Variants in PCSK6 observed in about 807,000 individuals in gnomAD.
PCSK6 encodes the protein proprotein convertase subtilisin/kexin type 6, also known as paired basic amino acid cleaving enzyme 4.
Under a neutral mutation model 123.3 loss-of-function variants are expected in PCSK6, and 85 were observed. The ratio of observed to expected loss-of-function variants is 0.69; its 90% CI spans 0.58 to 0.83. PCSK6 has a LOEUF of 0.83. Ranked by LOEUF, PCSK6 falls within the 40% of genes least tolerant of loss-of-function variation. The pLI is 0.00. For missense variants in PCSK6, 1,191 were observed against 1,282.3 expected (o/e 0.93, Z 1.09); for synonymous variants, 508 against 516.0 (o/e 0.98, Z 0.21).
chr15:101,485,286 C>T (rs894370639), intron 1 of PCSK6, among the ~76,000 whole-genome samples: 6 of 152,098 alleles, frequency 3.9e-5, no homozygotes, highest in African/African-American at 1.4e-4. Flanking sequence ...TTCTACCTGG[C>T]GTGTATCTTT....
intron 3 of PCSK6, among the ~76,000 whole-genome samples, 164 bp downstream of exon 3, chr15:101,431,826 A>G (rs570089775): frequency 9.8e-5 from 15 of 152,320 alleles, no homozygotes; most frequent in Admixed American, 8.5e-4. Flanking sequence ...TCCACAGGAA[A>G]GCCGGTACTG....
chr15:101,388,394 T>A (rs1391335351), intron 9 of PCSK6, among the ~76,000 whole-genome samples: 2 of 152,264 alleles, frequency 1.3e-5, no homozygotes, highest in Non-Finnish European at 2.9e-5. Flanking sequence ...AGATGACTAC[T>A]GCAGAGGGCT....
At position 101,430,135 on chromosome 15, in the gene PCSK6, C is replaced by T. The variant is rs1469966115; in HGVS notation, c.658-72G>A. 7 of 1,212,166 alleles carry T rather than the reference C, an allele frequency of 5.8e-6. No homozygotes were observed. The East Asian group carries it at 1.4e-4, about 24-fold the overall frequency. 75.1% of individuals were successfully genotyped at this position (1,212,166 alleles called of 1,614,324 possible). On this transcript the variant is annotated intron_variant, in intron 4 of 21. Coordinates refer to ENST00000611716, the MANE Select transcript of PCSK6 (RefSeq NM_002570.5). ...CTCTGTTTGAAATGGATTTTATGTT[C>T]CGTTGGCAAATAGAGAAACCACACG...
At chr15:101,462,826 G>T (rs535617488) in intron 1 of PCSK6, among the ~76,000 whole-genome samples, 1 of 152,168 alleles carries the variant, frequency 6.6e-6, no homozygotes, top group Admixed American at 6.5e-5. Flanking sequence ...GAGTGGGTTG[G>T]ATATCTTCTG....
intron 2 of PCSK6, among the ~76,000 whole-genome samples, chr15:101,439,843 C>T (rs1336838794): frequency 6.6e-6 from 1 of 152,178 alleles, no homozygotes; most frequent in East Asian, 1.9e-4. Context: ...TGAAATGAAG[C>T]ATTGAACCCA....
At chr15:101,441,978 C>A (rs553235679) in intron 2 of PCSK6, among the ~76,000 whole-genome samples, 63 of 152,326 alleles carry the variant, frequency 4.1e-4, no homozygotes, top group African/African-American at 1.4e-3. Flanking sequence ...CCTCCGGGAT[C>A]AGCCTATGCA....
chr15:101,322,517 T>TA lies in PCSK6; in HGVS notation c.2465+2dup, dbSNP rs1323627358. 1 of 1,606,364 alleles carries TA rather than the reference T, an allele frequency of 6.2e-7. No individual in the cohort carries two copies. Among genetic ancestry groups the TA allele is most frequent in the Admixed American group, 1.7e-5 (1 of 59,990 alleles). On this transcript the variant is annotated splice_region_variant and intron_variant, in intron 18 of 21. Coordinates refer to ENST00000611716, the MANE Select transcript of PCSK6 (RefSeq NM_002570.5). Reference sequence around the variant, plus strand: ...CATTCCTCAGGTTTCGAGGGGGTTTTACCTGAATCCTTCTTTACAGACAGT... The same window carrying TA: ...CATTCCTCAGGTTTCGAGGGGGTTTTAACCTGAATCCTTCTTTACAGACAGT...
chr15:101,321,936 C>T (rs1375362815), intron 18 of PCSK6, among the ~76,000 whole-genome samples: 1 of 152,228 alleles, frequency 6.6e-6, no homozygotes, highest in African/African-American at 2.4e-5. Context: ...TATTTGATTG[C>T]ATTAAATGCA....
chr15:101,371,761 G>A (rs542446736), intron 11 of PCSK6, among the ~76,000 whole-genome samples: 82 of 152,324 alleles, frequency 5.4e-4, no homozygotes, highest in African/African-American at 1.8e-3. Flanking sequence ...GGAAGCTCGC[G>A]TGGACCCACA....
intron 6 of PCSK6, among the ~76,000 whole-genome samples, chr15:101,404,682 G>A (rs186562379): frequency 1.6e-4 from 25 of 152,246 alleles, no homozygotes; most frequent in East Asian, 5.8e-4. Context: ...TTTATCTACC[G>A]GGGCAGTTAA....
At chr15:101,445,661 G>A (rs377606587) in intron 1 of PCSK6, among the ~76,000 whole-genome samples, 5 of 152,170 alleles carry the variant, frequency 3.3e-5, no homozygotes, top group East Asian at 3.8e-4. Context: ...TCAACTTGCC[G>A]CAGTGTTTAA....
At position 101,432,038 on chromosome 15, in the gene PCSK6, C is replaced by T. The variant is rs377624912; in HGVS notation, c.465G>A (p.Pro155=). 54 of 1,613,540 alleles carry T rather than the reference C, an allele frequency of 3.3e-5. No individual in the cohort carries two copies. In the African/African-American group the frequency reaches 4.0e-4, roughly 12 times the overall value. ...RRVKRQVRSD[P]QALYFNDPIW... Reference sequence around the variant, plus strand: ...TGGGGTCGTTGAAGTAAAGGGCCTGCGGGTCACTTCGCACCTGTCTCTTCA... The same window carrying T: ...TGGGGTCGTTGAAGTAAAGGGCCTGTGGGTCACTTCGCACCTGTCTCTTCA... The change falls in exon 3 of 22, where the codon CCG becomes CCA. Residue 155 remains proline, a synonymous_variant. Coordinates refer to ENST00000611716, the MANE Select transcript of PCSK6 (RefSeq NM_002570.5).
At chr15:101,489,297 G>C (rs2058103501) in intron 1 of PCSK6, 77 bp downstream of exon 1, 3 of 932,912 alleles carry the variant, frequency 3.2e-6, no homozygotes, top group Admixed American at 1.2e-4. Flanking sequence ...GGGCGGACAG[G>C]ACTGCGGAGG....
chr15:101,440,421 C>T (rs2056725875), intron 2 of PCSK6, among the ~76,000 whole-genome samples: 1 of 151,514 alleles, frequency 6.6e-6, no homozygotes, highest in Admixed American at 6.5e-5. Context: ...AGTCCTGCTG[C>T]TGACACCCCC....
chr15:101,367,867 C>T (rs1223090997), intron 12 of PCSK6, among the ~76,000 whole-genome samples: 1 of 152,214 alleles, frequency 6.6e-6, no homozygotes, highest in Non-Finnish European at 1.5e-5. Flanking sequence ...TTCTGTCACC[C>T]AGGCTGGAGT....
At chr15:101,350,017 T>A (rs2040849377) in intron 13 of PCSK6, among the ~76,000 whole-genome samples, 1 of 152,120 alleles carries the variant, frequency 6.6e-6, no homozygotes, top group African/African-American at 2.4e-5. Flanking sequence ...CAAGCAATTC[T>A]CCTGCCTCAG....
intron 10 of PCSK6, 92 bp from the exon 11 acceptor site, chr15:101,382,301 A>G: frequency 1.0e-6 from 1 of 984,308 alleles, no homozygotes; most frequent in Non-Finnish European, 1.5e-6. Context: ...CCCATGGAGG[A>G]CAGAGGGACC....
At chr15:101,366,693 C>G (rs1044624285) in intron 12 of PCSK6, among the ~76,000 whole-genome samples, 2 of 152,162 alleles carry the variant, frequency 1.3e-5, no homozygotes, top group African/African-American at 4.8e-5. Flanking sequence ...CCTTCCCACC[C>G]AGCAACAATC....
chr15:101,475,090 T>A (rs975398071), intron 1 of PCSK6, among the ~76,000 whole-genome samples: 6 of 152,154 alleles, frequency 3.9e-5, no homozygotes, highest in African/African-American at 1.4e-4. Flanking sequence ...GAATCCCCAG[T>A]TGAGAGGCTG....
Sources: gnomAD v4.1 joint callset for allele counts (sites outside exome capture counted in the v4.1 genomes callset) on GRCh38, gnomAD v4.1.1 for gene constraint, MANE v1.5 for transcripts, NCBI Gene and HGNC (gene_info 2026-07-23, HGNC 2026-07-21) for gene names.